Variants in GNG4 observed in about 807,000 individuals in gnomAD.
GNG4 encodes G protein subunit gamma 4.
Under a neutral mutation model 5.8 loss-of-function variants are expected in GNG4, and 4 were observed. The observed-to-expected ratio is 0.69, with a 90% CI of 0.34 to 1.57. The LOEUF (loss-of-function observed/expected upper bound fraction) is 1.57, where lower values mean the gene tolerates loss of function less well. GNG4 is among the 40% of genes most tolerant of loss of function. The probability of loss-of-function intolerance (pLI) is 0.06; values close to 1 mark genes in which losing one functional copy is unlikely to be tolerated. For missense variants in GNG4, 96 were observed against 95.1 expected (o/e 1.01, Z -0.04); for synonymous variants, 29 against 32.9 (o/e 0.88, Z 0.41).
At chr1:235,570,744 C>T (rs1027898443) in intron 3 of GNG4, among the ~76,000 whole-genome samples, 5 of 151,408 alleles carry the variant, frequency 3.3e-5, no homozygotes, top group African/African-American at 7.3e-5. Flanking sequence ...CATCCAGGCT[C>T]GAGTGCAGCG....
intron 1 of GNG4, among the ~76,000 whole-genome samples, chr1:235,646,642 G>C (rs1657517991): frequency 6.6e-6 from 1 of 152,110 alleles, no homozygotes; most frequent in Non-Finnish European, 1.5e-5. Context: ...CCTCACTCCT[G>C]GGCACCCAGG....
intron 3 of GNG4, among the ~76,000 whole-genome samples, chr1:235,557,298 T>C (rs199735688): frequency 1.1e-4 from 8 of 71,256 alleles, no homozygotes; most frequent in Non-Finnish European, 3.2e-4. Flanking sequence ...CACCTGCCCA[T>C]CCATCCAGTG....
chr1:235,552,344 T>C (rs1686777225), intron 3 of GNG4, 107 bp from the exon 4 acceptor site: 2 of 1,002,330 alleles, frequency 2.0e-6, no homozygotes, highest in African/African-American at 3.2e-5. Context: ...GTAGGCTGTA[T>C]TGTGTGCACG....
At chr1:235,555,602 C>A (rs1025327801) in intron 3 of GNG4, among the ~76,000 whole-genome samples, 1 of 151,216 alleles carries the variant, frequency 6.6e-6, no homozygotes, top group Admixed American at 6.6e-5. Context: ...TCGCTTGAGT[C>A]CGGGAGTTCA....
chr1:235,600,100 C>CATTTTT (rs1688222477), intron 1 of GNG4, among the ~76,000 whole-genome samples: 1 of 43,128 alleles, frequency 2.3e-5, no homozygotes, highest in Non-Finnish European at 4.1e-5. Flanking sequence ...CGGAAGAAAG[C>CATTTTT]TTTTTTTTTT....
intron 2 of GNG4, among the ~76,000 whole-genome samples, chr1:235,591,952 C>T (rs1687974207): frequency 2.0e-5 from 3 of 152,186 alleles, no homozygotes; most frequent in Admixed American, 6.5e-5. Flanking sequence ...AAGGGAAATT[C>T]CAAGCTAGCA....
At position 235,632,642 on chromosome 1, in the gene GNG4, C is replaced by T. The variant is rs1238893387; in HGVS notation, c.-123+17020G>A. Among the ~76,000 whole-genome samples the T allele has an allele frequency of 2.6e-5, 4 of 152,070 alleles. No individual in the cohort carries two copies. The South Asian group carries it at 8.3e-4, about 31-fold the overall frequency. On this transcript the variant is annotated intron_variant, in intron 1 of 3. Transcript: ENST00000391854. The stretch of plus-strand genomic sequence containing the variant: ...AGGTTTTTTCTCTTTGTGTTTTAGT[C>T]TTCCCTTTTGTAACTGTCTGTCGTC...
chr1:235,597,792 A>AT (rs574320787), intron 1 of GNG4, among the ~76,000 whole-genome samples: 33 of 150,970 alleles, frequency 2.2e-4, no homozygotes, highest in African/African-American at 7.8e-4. Context: ...CACCTGGCTA[A>AT]TTTTTTTTCT....
chr1:235,646,854 C>T (rs1284034914), intron 1 of GNG4, among the ~76,000 whole-genome samples: 2 of 152,200 alleles, frequency 1.3e-5, no homozygotes, highest in African/African-American at 4.8e-5. Context: ...TTTAAGCACC[C>T]ATTGTTTTCT....
At chr1:235,570,860 A>ATGTGTG (rs756211268) in intron 3 of GNG4, among the ~76,000 whole-genome samples, 5,871 of 91,848 alleles carry the variant, frequency 0.064, 346 homozygotes, top group African/African-American at 0.24. Flanking sequence ...TTATATATAT[A>ATGTGTG]TATGTGTGTG....
At position 235,590,800 on chromosome 1, in the gene GNG4, A is replaced by G. The variant is rs547953779; in HGVS notation, c.-11+4600T>C. On this transcript the variant is annotated intron_variant, in intron 2 of 3. Coordinates refer to ENST00000391854, the MANE Select transcript of GNG4 (RefSeq NM_001098722.2). ...ATTCTGGCCCGTACCAAAGGAGAGC[A>G]CCACTGCTGGCTGTGAGCCACTTCT... is the stretch of plus-strand genomic sequence containing the variant. 1.8e-3 allele frequency among the ~76,000 whole-genome samples: 276 copies of G among 152,270 alleles called. 1 individual carries two copies. The highest frequency in any genetic ancestry group is 2.8e-3 in the Non-Finnish European group (189 of 68,020).
intron 1 of GNG4, 133 bp from the exon 2 acceptor site, chr1:235,595,644 C>T (rs2102956503): frequency 6.6e-6 from 1 of 152,466 alleles, no homozygotes; most frequent in Middle Eastern, 3.4e-3. Flanking sequence ...CTGGGGACTC[C>T]ATATCAGACC....
intron 1 of GNG4, among the ~76,000 whole-genome samples, chr1:235,613,123 G>A (rs1276039367): frequency 6.6e-6 from 1 of 151,710 alleles, no homozygotes; most frequent in Non-Finnish European, 1.5e-5. Context: ...GGGTGGGGGG[G>A]TCACAAACAT....
chr1:235,618,611 T>A (rs187884433), intron 1 of GNG4, among the ~76,000 whole-genome samples: 280 of 152,230 alleles, frequency 1.8e-3, no homozygotes, highest in Non-Finnish European at 2.5e-3. Context: ...GTGTGCATGA[T>A]TCACAAGAGT....
chr1:235,647,962 T>C (rs551780283), intron 1 of GNG4, among the ~76,000 whole-genome samples: 7 of 152,280 alleles, frequency 4.6e-5, no homozygotes, highest in East Asian at 3.9e-4. Flanking sequence ...GCACTGAATA[T>C]TGGGGGACTT....
rs541708779 is a variant in GNG4 at position 235,553,648 on chromosome 1, T to C, written c.100-1411A>G. On this transcript the variant is annotated intron_variant, in intron 3 of 3. Transcript: ENST00000391854. Reference sequence around the variant, plus strand: ...AATTCCAGCAGAGATATACAATGAATCAACTAAACACATCACTCAAATAAA... The same window carrying C: ...AATTCCAGCAGAGATATACAATGAACCAACTAAACACATCACTCAAATAAA... Among the ~76,000 whole-genome samples, 11 of 152,288 alleles carry C rather than the reference T, an allele frequency of 7.2e-5. 1 individual carries two copies. The South Asian group carries it at 2.3e-3, about 32-fold the overall frequency.
intron 3 of GNG4, among the ~76,000 whole-genome samples, chr1:235,560,382 TTCTC>T (rs1321288369): frequency 6.6e-6 from 1 of 152,152 alleles, no homozygotes; most frequent in African/African-American, 2.4e-5. Context: ...GGCCCCTTTT[TTCTC>T]TCTCTGCCTC....
intron 3 of GNG4, among the ~76,000 whole-genome samples, chr1:235,557,559 G>A (rs1686949765): frequency 6.6e-6 from 1 of 151,954 alleles, no homozygotes; most frequent in Non-Finnish European, 1.5e-5. Flanking sequence ...ATACAATCCA[G>A]CTGGTCAGAA....
rs1375668469 is a variant in GNG4, at chr1:235,549,924, T to C, written c.*2185A>G. 6.6e-6 allele frequency: 1 copy of C among 152,218 alleles called. No homozygotes were observed. Among genetic ancestry groups the C allele is most frequent in the African/African-American group, 2.4e-5 (1 of 41,458 alleles). 9.4% of individuals were successfully genotyped at this position (152,218 alleles called of 1,614,324 possible). A position where few individuals can be genotyped will look rare whatever the true frequency, so the allele number is the denominator to read the frequency against. On this transcript the variant is annotated 3_prime_UTR_variant, in exon 4 of 4. Coordinates refer to ENST00000391854, the MANE Select transcript of GNG4 (RefSeq NM_001098722.2). Reference sequence around the variant, plus strand: ...AGAGCTTTCATCTATGTAGCATCTCTGTTTCCTCCCAGACAGAAAGGCAGG... The same window carrying C: ...AGAGCTTTCATCTATGTAGCATCTCCGTTTCCTCCCAGACAGAAAGGCAGG...
Sources: gnomAD v4.1 joint callset for allele counts (sites outside exome capture counted in the v4.1 genomes callset) on GRCh38, gnomAD v4.1.1 for gene constraint, MANE v1.5 for transcripts, NCBI Gene and HGNC (gene_info 2026-07-23, HGNC 2026-07-21) for gene names.